The following SRD5A2 variants were observed in gnomAD, a reference collection of about 807,000 sequenced individuals.
SRD5A2 encodes steroid 5 alpha-reductase 2, also known as 3-oxo-5-alpha-steroid 4-dehydrogenase 2.
Under a neutral mutation model 27.4 loss-of-function variants are expected in SRD5A2, and 30 were observed. The ratio of observed to expected loss-of-function variants is 1.10; its 90% CI spans 0.82 to 1.49. The LOEUF is 1.49. SRD5A2 is among the 40% of genes most tolerant of loss of function. The probability of loss-of-function intolerance (pLI) is 0.00; values close to 1 mark genes in which losing one functional copy is unlikely to be tolerated. For missense variants in SRD5A2, 348 were observed against 323.4 expected, an observed-to-expected ratio of 1.08 and a Z score of -0.58; for synonymous variants, 141 against 133.6, an observed-to-expected ratio of 1.06 and a Z score of -0.38.
In SRD5A2 at chr2:31,526,167, G is replaced by C. The variant is rs1302605247; in HGVS notation, c.*29C>G. The C allele has an allele frequency of 6.9e-7, 1 of 1,448,236 alleles. No homozygotes were observed. The highest frequency in any genetic ancestry group is 9.5e-7 in the Non-Finnish European group (1 of 1,050,060). The allele number at this position is 1,448,236 out of a possible 1,614,324, so 89.7% of individuals were successfully genotyped here. On this transcript the variant is annotated 3_prime_UTR_variant, in exon 5 of 5. Transcript: ENST00000622030. ...TTGACAGTTTTCATCAGCATTGTGG[G>C]AGCTCTGCTCCTTTTTAATTTGGTT...
the SRD5A2 span, among the ~76,000 whole-genome samples, chr2:31,590,844 TAATA>T: frequency 2.0e-5 from 3 of 152,210 alleles, no homozygotes; most frequent in Admixed American, 6.5e-5. Flanking sequence ...ATTCCCTATT[TAATA>T]AATGGTGCTG....
chr2:31,587,717 G>C, the SRD5A2 span, among the ~76,000 whole-genome samples: 2 of 152,098 alleles, frequency 1.3e-5, no homozygotes. Context: ...TGGATACAGG[G>C]AGGGGAACAT....
At chr2:31,556,428 A>G (rs1666495810) in intron 1 of SRD5A2, among the ~76,000 whole-genome samples, 1 of 152,232 alleles carries the variant, frequency 6.6e-6, no homozygotes, top group Admixed American at 6.5e-5. Context: ...AGTGAATATT[A>G]TCTTCTATGG....
At chr2:31,543,405 T>TA (rs1174049826) in intron 1 of SRD5A2, among the ~76,000 whole-genome samples, 1 of 152,150 alleles carries the variant, frequency 6.6e-6, no homozygotes, top group Non-Finnish European at 1.5e-5. Flanking sequence ...TAAAAGGTGG[T>TA]ATTATTATAA....
chr2:31,631,323 C>T, the SRD5A2 span, among the ~76,000 whole-genome samples: 1 of 152,256 alleles, frequency 6.6e-6, no homozygotes, highest in Non-Finnish European at 1.5e-5. Context: ...AGGACTGCTA[C>T]ATCAGTGAGC....
chr2:31,643,643 A>G, the SRD5A2 span, among the ~76,000 whole-genome samples: 131 of 151,544 alleles, frequency 8.6e-4, 1 homozygote, highest in Non-Finnish European at 1.5e-3. Flanking sequence ...GGCAGAAAAA[A>G]TATATATAAT....
the SRD5A2 span, among the ~76,000 whole-genome samples, chr2:31,633,688 G>C: frequency 6.6e-6 from 1 of 152,102 alleles, no homozygotes; most frequent in Non-Finnish European, 1.5e-5. Context: ...GAAGCAGTTA[G>C]AGCAGTCGTC....
the SRD5A2 span, among the ~76,000 whole-genome samples, chr2:31,617,661 T>C: frequency 3.3e-5 from 5 of 152,336 alleles, no homozygotes; most frequent in Admixed American, 3.3e-4. Context: ...TCCACAGATC[T>C]CTAGGACAGG....
intron 1 of SRD5A2, among the ~76,000 whole-genome samples, chr2:31,578,112 T>C (rs1042225970): frequency 6.6e-6 from 1 of 152,166 alleles, no homozygotes; most frequent in Non-Finnish European, 1.5e-5. Context: ...TGTGAAAATC[T>C]ACTAAGGAAA....
At chr2:31,574,730 G>A (rs189774102) in intron 1 of SRD5A2, among the ~76,000 whole-genome samples, 9 of 152,264 alleles carry the variant, frequency 5.9e-5, no homozygotes, top group South Asian at 2.1e-4. Flanking sequence ...AGATATGCCC[G>A]CTGCTTTGCT....
the SRD5A2 span, among the ~76,000 whole-genome samples, chr2:31,598,552 T>C: frequency 6.6e-6 from 1 of 152,116 alleles, no homozygotes; most frequent in East Asian, 1.9e-4. Context: ...TAGTTTTATT[T>C]TTTTGCTTTC....
At chr2:31,570,079 A>C (rs540615899) in intron 1 of SRD5A2, among the ~76,000 whole-genome samples, 24 of 152,242 alleles carry the variant, frequency 1.6e-4, no homozygotes, top group African/African-American at 5.5e-4. Context: ...CAACAGAAAA[A>C]GAAAACTTCA....
chr2:31,630,120 T>C, the SRD5A2 span, among the ~76,000 whole-genome samples: 1 of 152,226 alleles, frequency 6.6e-6, no homozygotes, highest in African/African-American at 2.4e-5. Context: ...ATTTGTAAGA[T>C]GCTCTCCTCC....
the SRD5A2 span, among the ~76,000 whole-genome samples, chr2:31,617,358 T>C: frequency 6.6e-6 from 1 of 152,070 alleles, no homozygotes; most frequent in Non-Finnish European, 1.5e-5. Flanking sequence ...ATGGAAGCCA[T>C]TTTTTCCTCC....
At chr2:31,629,659 C>G in the SRD5A2 span, among the ~76,000 whole-genome samples, 2 of 152,110 alleles carry the variant, frequency 1.3e-5, no homozygotes, top group Non-Finnish European at 2.9e-5. Flanking sequence ...CGACTAGAGG[C>G]AGAAAGGTGT....
At chr2:31,612,939 T>C in the SRD5A2 span, among the ~76,000 whole-genome samples, 3 of 152,178 alleles carry the variant, frequency 2.0e-5, no homozygotes, top group African/African-American at 2.4e-5. Flanking sequence ...CTTCAATAAA[T>C]GGTGTAGAGA....
the SRD5A2 span, among the ~76,000 whole-genome samples, chr2:31,608,914 G>T: frequency 6.6e-6 from 1 of 152,002 alleles, no homozygotes; most frequent in Admixed American, 6.6e-5. Context: ...ACTTTATGTG[G>T]AAATACAGTC....
At chr2:31,588,459 G>A in the SRD5A2 span, among the ~76,000 whole-genome samples, 2 of 152,302 alleles carry the variant, frequency 1.3e-5, no homozygotes, top group Admixed American at 1.3e-4. Context: ...CAGGCAAGGA[G>A]AGAATGGCTT....
chr2:31,614,496 C>G, the SRD5A2 span, among the ~76,000 whole-genome samples: 1 of 152,218 alleles, frequency 6.6e-6, no homozygotes. Context: ...CATTGAGTGT[C>G]TGTGGTTTTT....
Sources: gnomAD v4.1 joint callset for allele counts (sites outside exome capture counted in the v4.1 genomes callset) on GRCh38, gnomAD v4.1.1 for gene constraint, MANE v1.5 for transcripts, NCBI Gene and HGNC (gene_info 2026-07-23, HGNC 2026-07-21) for gene names.